STARD10: variants seen among roughly 807,000 people sequenced by gnomAD.
STARD10 encodes the protein START domain-containing protein 10.
A neutral mutation model predicts 36.0 loss-of-function variants in STARD10; 24 were observed. That is an observed-to-expected ratio of 0.67 (90% confidence interval 0.48 to 0.94). STARD10 has a LOEUF of 0.94. STARD10 is among the 40% of genes least tolerant of loss of function. STARD10 has a pLI of 0.00. For synonymous variants in STARD10, 156 were observed against 161.9 expected (o/e 0.96, Z 0.28); for missense variants, 335 against 396.6 (o/e 0.84, Z 1.32).
intron 6 of STARD10, 53 bp downstream of exon 6, chr11:72,755,648 T>C (rs772319695): frequency 2.0e-5 from 32 of 1,596,974 alleles, no homozygotes; most frequent in Non-Finnish European, 2.6e-5. Flanking sequence ...CCTCATTCCA[T>C]AGTCCTCTTT....
chr11:72,763,873 C>T (rs1171292760), intron 2 of STARD10, among the ~76,000 whole-genome samples: 2 of 152,094 alleles, frequency 1.3e-5, no homozygotes, highest in Admixed American at 6.6e-5. Context: ...AGCTGGTGGT[C>T]GCTGTTATTA....
intron 1 of STARD10, among the ~76,000 whole-genome samples, chr11:72,783,955 G>C (rs1224555322): frequency 6.6e-6 from 1 of 152,208 alleles, no homozygotes; most frequent in Non-Finnish European, 1.5e-5. Flanking sequence ...TCTTGGGTCA[G>C]TAAAGGTGGG....
chr11:72,776,455 C>A (rs1291252355), intron 2 of STARD10, among the ~76,000 whole-genome samples: 1 of 152,200 alleles, frequency 6.6e-6, no homozygotes, highest in Non-Finnish European at 1.5e-5. Context: ...GAGGACTGGA[C>A]TCTTGCCCAG....
intron 1 of STARD10, among the ~76,000 whole-genome samples, chr11:72,786,362 A>T (rs1859070917): frequency 6.6e-6 from 1 of 152,080 alleles, no homozygotes; most frequent in Non-Finnish European, 1.5e-5. Context: ...CAGTTAAAAA[A>T]AAAAAGGAAA....
rs957641361 is a variant in STARD10 at position 72,781,164 on chromosome 11, G to C, written c.18C>G (p.Ala6=). The change falls in exon 2 of 7, where the codon GCC becomes GCG. Residue 6 remains alanine, a synonymous_variant. Coordinates refer to ENST00000334805, the MANE Select transcript of STARD10 (RefSeq NM_006645.3). The surrounding 1 kb of genome is among the most constrained non-coding windows in gnomAD (Gnocchi z 4.7). The part of the protein sequence containing the change: MEKLA[A]STEPQGPRPV... ...GCCGAGGCCCTTGGGGCTCTGTAGA[G>C]GCCGCCAGCTTCTCCATGGGGAGTG... 4.5e-5 allele frequency: 72 copies of C among 1,611,172 alleles called. No homozygotes were observed. Among genetic ancestry groups the C allele is most frequent in the Non-Finnish European group, 5.8e-5 (68 of 1,179,928 alleles).
chr11:72,788,574 CT>C lies in STARD10; in HGVS notation c.-114+4300del, dbSNP rs72079658. 3.4e-3 allele frequency among the ~76,000 whole-genome samples: 494 copies of C among 146,368 alleles called. 1 individual carries two copies. The highest frequency in any genetic ancestry group is 7.7e-3 in the South Asian group (36 of 4,670). ...ATTTGTTGCTTATCTGAAATTCAGC[CT>C]TTTTTTTTTTTTAGATGGCGTCTCA... On this transcript the variant is annotated intron_variant, in intron 1 of 6. Transcript: ENST00000334805.
intron 3 of STARD10, 140 bp from the exon 4 acceptor site, chr11:72,758,773 C>G (rs145933030): frequency 5.7e-5 from 36 of 630,278 alleles, no homozygotes; most frequent in Admixed American, 3.9e-4. Flanking sequence ...TCCCAGACCA[C>G]AGTCCCACAG....
chr11:72,755,781 G>A, intron 5 of STARD10, 28 bp from the exon 6 acceptor site: 1 of 1,598,488 alleles, frequency 6.3e-7, no homozygotes, highest in Non-Finnish European at 8.5e-7. Context: ...GGAGGAAGCA[G>A]CCTCAGGGAC....
intron 2 of STARD10, 37 bp downstream of exon 2, chr11:72,780,938 G>A (rs1161297542): frequency 8.2e-6 from 13 of 1,590,518 alleles, no homozygotes; most frequent in South Asian, 2.2e-5. Context: ...GGCAGTAAGG[G>A]TGCAGTGGAG....
intron 1 of STARD10, among the ~76,000 whole-genome samples, chr11:72,786,276 C>T (rs479490): frequency 0.67 from 101,026 of 151,856 alleles, 33,838 homozygotes; most frequent in East Asian, 0.76. Context: ...GGCTTGAGCC[C>T]GGGAGATCAA....
chr11:72,758,624 G>A lies in STARD10; in HGVS notation c.365C>T (p.Pro122Leu), dbSNP rs2135608973. ...GACATCACGGTTCTTCAGGGGCTTG[G>A]GACACCTCCCTGTGGGGGGCAAGGG... ...ADVGYYSWRC[P>L]KPLKNRDVIT... is the part of the protein sequence containing the mutation. Residue 122 changes from proline (P) to leucine (L), a missense_variant, in exon 4 of 7, where the codon CCC (proline) becomes CTC (leucine). By Grantham distance (98) the Pro-to-Leu change is moderately conservative. Coordinates refer to ENST00000334805, the MANE Select transcript of STARD10 (RefSeq NM_006645.3). 1.2e-6 allele frequency: 2 copies of A among 1,613,448 alleles called. No individual in the cohort carries two copies. The highest frequency in any genetic ancestry group is 4.5e-5 in the East Asian group (2 of 44,874).
rs144583877 is a variant in STARD10, at chr11:72,786,931, C to T, written c.-113-5637G>A. ...GCCATCTCTACAAAAAAATGTAAAACTTAGCTGGGCATGGTGGCACATGCT... is the reference window on the plus strand; with the variant it reads ...GCCATCTCTACAAAAAAATGTAAAATTTAGCTGGGCATGGTGGCACATGCT... On this transcript the variant is annotated intron_variant, in intron 1 of 6. Transcript: ENST00000334805. Among the ~76,000 whole-genome samples, 15 of 151,842 alleles carry T rather than the reference C, an allele frequency of 9.9e-5. No individual in the cohort carries two copies. In the South Asian group the frequency reaches 1.7e-3, roughly 17 times the overall value.
At chr11:72,772,398 C>T (rs1858874315) in intron 2 of STARD10, among the ~76,000 whole-genome samples, 1 of 152,136 alleles carries the variant, frequency 6.6e-6, no homozygotes, top group Non-Finnish European at 1.5e-5. Context: ...TCCCTGTGCC[C>T]AGCGTTGTCA....
intron 1 of STARD10, among the ~76,000 whole-genome samples, chr11:72,791,658 G>A (rs1308043313): frequency 6.6e-6 from 1 of 150,644 alleles, no homozygotes; most frequent in Non-Finnish European, 1.5e-5. Flanking sequence ...AGCCAAGATC[G>A]CACCCTTGCA....
chr11:72,776,236 C>G (rs1858929041), intron 2 of STARD10, among the ~76,000 whole-genome samples: 1 of 152,158 alleles, frequency 6.6e-6, no homozygotes, highest in Non-Finnish European at 1.5e-5. Flanking sequence ...GCAGCCTCCC[C>G]TACGCTGGCC....
In STARD10 at chr11:72,764,019, G is replaced by C. The variant is rs1335528081; in HGVS notation, c.208-4638C>G. On this transcript the variant is annotated intron_variant, in intron 2 of 6. Transcript: ENST00000334805. Reference sequence around the variant, plus strand: ...CTTAACCATCAAAGAGCACTCAAGCGTGGCTTCTGAGGAAACCAGAATTTC... The same window carrying C: ...CTTAACCATCAAAGAGCACTCAAGCCTGGCTTCTGAGGAAACCAGAATTTC... Among the ~76,000 whole-genome samples the C allele has an allele frequency of 3.3e-5, 5 of 152,210 alleles. No individual in the cohort carries two copies. The South Asian group carries it at 8.3e-4, about 25-fold the overall frequency.
At chr11:72,770,238 A>AGAC (rs1252702164) in intron 2 of STARD10, among the ~76,000 whole-genome samples, 1 of 152,146 alleles carries the variant, frequency 6.6e-6, no homozygotes, top group African/African-American at 2.4e-5. Context: ...ATTTTTTTTG[A>AGAC]GACAGAGTTT....
chr11:72,778,737 C>A (rs1013730821), intron 2 of STARD10, among the ~76,000 whole-genome samples: 3 of 152,212 alleles, frequency 2.0e-5, no homozygotes, highest in African/African-American at 7.2e-5. Context: ...TGACTCTAGG[C>A]AGGTCCCTGC....
rs746271758 is a variant in STARD10, at chr11:72,754,938, C to T, written c.835G>A (p.Ala279Thr). ...AESREERMGGAGGEGSDDDTS... is the reference protein window; with the variant it reads ...AESREERMGGTGGEGSDDDTS... ...TCGTCGTCGCTGCCCTCGCCGCCCG[C>T]GCCGCCCATCCGCTCCTCTCTGCTC... Residue 279 changes from alanine (A) to threonine (T), a missense_variant, in exon 7 of 7, where the codon GCG (alanine) becomes ACG (threonine). Coordinates refer to ENST00000334805, the MANE Select transcript of STARD10 (RefSeq NM_006645.3). 6.2e-7 allele frequency: 1 copy of T among 1,603,242 alleles called. No homozygotes were observed. The highest frequency in any genetic ancestry group is 1.7e-5 in the Admixed American group (1 of 59,682).
Sources: gnomAD v4.1 joint callset for allele counts (sites outside exome capture counted in the v4.1 genomes callset) on GRCh38, gnomAD v4.1.1 for gene constraint, Gnocchi (gnomAD v3.1) non-coding constraint, MANE v1.5 for transcripts, NCBI Gene and HGNC (gene_info 2026-07-23, HGNC 2026-07-21) for gene names.